CDH23: variants seen among roughly 807,000 people sequenced by gnomAD.
CDH23 encodes the protein cadherin-23.
CDH23 carries 189 observed loss-of-function variants against 317.1 expected under a neutral mutation model. The observed-to-expected ratio is 0.60, with a 90% CI of 0.53 to 0.67. The LOEUF (loss-of-function observed/expected upper bound fraction) is 0.67, where lower values mean the gene tolerates loss of function less well. Ranked by LOEUF, CDH23 falls within the 30% of genes least tolerant of loss-of-function variation. The probability of loss-of-function intolerance (pLI) is 0.00; values close to 1 mark genes in which losing one functional copy is unlikely to be tolerated. For synonymous variants in CDH23, 1,839 were observed against 1,876.8 expected, an observed-to-expected ratio of 0.98 and a Z score of 0.52; for missense variants, 4,401 against 4,592.4, an observed-to-expected ratio of 0.96 and a Z score of 1.20.
chr10:71,446,834 C>G (rs1850193691), intron 3 of CDH23, among the ~76,000 whole-genome samples: 1 of 152,342 alleles, frequency 6.6e-6, no homozygotes, highest in East Asian at 1.9e-4. Context: ...CAGCCCGTCG[C>G]CCCATCACTC....
intron 11 of CDH23, among the ~76,000 whole-genome samples, chr10:71,622,582 G>C (rs1861519009): frequency 6.6e-6 from 1 of 152,124 alleles, no homozygotes. Context: ...TCCCAGCAAG[G>C]GGTATTGTTC....
rs553812597 is a variant in CDH23, at chr10:71,510,809, T to C, written c.289-145T>C. On this transcript the variant is annotated intron_variant, in intron 4 of 69. Transcript: ENST00000224721. ...GCTTCCCCAACCCAAAGGGCAATGC[T>C]GGTATTTTAGGGAAGCCTTTGGGTG... 78 of 721,026 alleles carry C rather than the reference T, an allele frequency of 1.1e-4. 1 individual carries two copies. The highest frequency in any genetic ancestry group is 1.8e-4 in the Non-Finnish European group (73 of 404,444). The allele number at this position is 721,026 out of a possible 1,614,324, so 44.7% of individuals were successfully genotyped here.
At chr10:71,612,222 AAAG>A (rs969237108) in intron 9 of CDH23, among the ~76,000 whole-genome samples, 38 of 120,040 alleles carry the variant, frequency 3.2e-4, no homozygotes, top group African/African-American at 1.2e-3. Flanking sequence ...GATGTGTGAA[AAAG>A]AAGTGTGTGT....
intron 18 of CDH23, among the ~76,000 whole-genome samples, chr10:71,683,063 T>C (rs1166849445): frequency 6.6e-6 from 1 of 152,204 alleles, no homozygotes; most frequent in East Asian, 1.9e-4. Flanking sequence ...CCACAGTTTC[T>C]CTGACATGAA....
chr10:71,550,571 A>AAAT lies in CDH23; in HGVS notation c.430-16169_430-16168insTAA, dbSNP rs1347162584. 2.2e-4 allele frequency among the ~76,000 whole-genome samples: 25 copies of AAAT among 113,596 alleles called. 1 individual carries two copies. In the East Asian group the frequency reaches 0.013, roughly 60 times the overall value. 74.5% of individuals were successfully genotyped at this position (113,596 alleles called of 152,430 possible). On this transcript the variant is annotated intron_variant, in intron 6 of 69. Coordinates refer to ENST00000224721, the MANE Select transcript of CDH23 (RefSeq NM_022124.6). Reference sequence around the variant, plus strand: ...TGAGACCCTGTCTCAAAAAAAAAAAAAAAAAAGAAAAAAGAAAAAGAAAGA... The same window carrying AAAT: ...TGAGACCCTGTCTCAAAAAAAAAAAAAATAAAAAAGAAAAAAGAAAAAGAAAGA...
At chr10:71,718,674 A>T (rs758013420) in intron 28 of CDH23, among the ~76,000 whole-genome samples, 1 of 152,216 alleles carries the variant, frequency 6.6e-6, no homozygotes, top group Non-Finnish European at 1.5e-5. Flanking sequence ...CAATCCTACT[A>T]GTTCTAATGT....
At chr10:71,581,123 T>C (rs1858599659) in intron 9 of CDH23, among the ~76,000 whole-genome samples, 1 of 152,244 alleles carries the variant, frequency 6.6e-6, no homozygotes, top group African/African-American at 2.4e-5. Flanking sequence ...GGCCAGTGCC[T>C]GTTTATTGGA....
At chr10:71,812,100 G>A in intron 66 of CDH23, 85 bp downstream of exon 66, 1 of 1,608,978 alleles carries the variant, frequency 6.2e-7, no homozygotes, top group Non-Finnish European at 8.5e-7. Context: ...TCCCAGCGCT[G>A]GGGCTGCCGA....
intron 61 of CDH23, 113 bp from the exon 62 acceptor site, chr10:71,810,358 GT>G (rs1841879122): frequency 3.1e-6 from 3 of 982,270 alleles, no homozygotes; most frequent in Non-Finnish European, 4.8e-6. Flanking sequence ...CAAACATTCA[GT>G]AGTGAAGGGT....
chr10:71,512,567 A>T (rs1478263672), intron 6 of CDH23, among the ~76,000 whole-genome samples: 1 of 152,118 alleles, frequency 6.6e-6, no homozygotes, highest in East Asian at 1.9e-4. Flanking sequence ...TGAGCCTTGG[A>T]CCCATTGCTC....
intron 6 of CDH23, among the ~76,000 whole-genome samples, chr10:71,538,897 G>A (rs1855845351): frequency 6.6e-6 from 1 of 152,202 alleles, no homozygotes; most frequent in Non-Finnish European, 1.5e-5. Context: ...AGTTCTCATG[G>A]TTGGTAAAGG....
chr10:71,760,550 G>A (rs1358710421), intron 38 of CDH23: 1 of 256,958 alleles, frequency 3.9e-6, no homozygotes. Context: ...GGGGCTGGTG[G>A]GCAGGGCGGC....
At position 71,784,906 on chromosome 10, in the gene CDH23, C is replaced by T. The variant is rs145951744; in HGVS notation, c.5518C>T (p.Arg1840Trp). The T allele has an allele frequency of 1.1e-5, 18 of 1,613,768 alleles. No individual in the cohort carries two copies. Among genetic ancestry groups the T allele is most frequent in the Middle Eastern group, 3.3e-4 (2 of 6,062 alleles). ...PLSSTMLVGI[R>W]VLDINDNDPV... ...ACTGGCCCAGATGCTGGTGGGGATCCGGGTGCTGGACATCAACGACAACGA... is the reference window on the plus strand; with the variant it reads ...ACTGGCCCAGATGCTGGTGGGGATCTGGGTGCTGGACATCAACGACAACGA... Residue 1840 changes from arginine (R) to tryptophan (W), a missense_variant, in exon 43 of 70, where the codon CGG (arginine) becomes TGG (tryptophan). Arg to Trp is a moderately radical substitution (Grantham distance 101). Coordinates refer to ENST00000224721, the MANE Select transcript of CDH23 (RefSeq NM_022124.6).
intron 40 of CDH23, 31 bp from the exon 41 acceptor site, chr10:71,779,236 A>G (rs187684224): frequency 1.4e-5 from 22 of 1,611,102 alleles, no homozygotes. Flanking sequence ...GGCTGGGGTG[A>G]GGCCTTGGCT....
intron 28 of CDH23, chr10:71,716,305 G>A: frequency 6.6e-7 from 1 of 1,508,516 alleles, no homozygotes; most frequent in Non-Finnish European, 8.9e-7. Context: ...TGATGGCTGG[G>A]GAGCTGGCGA....
chr10:71,681,981 A>G (rs1346112482), intron 17 of CDH23, among the ~76,000 whole-genome samples: 2 of 152,120 alleles, frequency 1.3e-5, no homozygotes, highest in Non-Finnish European at 2.9e-5. Context: ...CCAAGGCATG[A>G]CCCTGTCCTT....
At chr10:71,414,477 G>T (rs944106198) in intron 1 of CDH23, among the ~76,000 whole-genome samples, 6 of 152,162 alleles carry the variant, frequency 3.9e-5, no homozygotes, top group Non-Finnish European at 5.9e-5. Flanking sequence ...ATTTTCAAAA[G>T]TTAACCAACC....
intron 38 of CDH23, among the ~76,000 whole-genome samples, chr10:71,763,918 T>G (rs1589407189): frequency 6.6e-6 from 1 of 152,168 alleles, no homozygotes; most frequent in African/African-American, 2.4e-5. Context: ...GCGCTTGTGT[T>G]TAAAGGAGAG....
chr10:71,773,562 G>T, intron 38 of CDH23: 2 of 882,386 alleles, frequency 2.3e-6, no homozygotes, highest in Non-Finnish European at 3.2e-6. Flanking sequence ...CCAGCGCCGT[G>T]CTCCAGGCAC....
Sources: allele counts gnomAD v4.1 joint callset (sites outside exome capture counted in the v4.1 genomes callset), GRCh38; gene constraint gnomAD v4.1.1; transcripts MANE v1.5; gene names NCBI Gene and HGNC (gene_info 2026-07-23, HGNC 2026-07-21).